Variants in IPPK observed in about 807,000 individuals in gnomAD.
The protein encoded by IPPK is IPK1 homolog.
A neutral mutation model predicts 64.6 loss-of-function variants in IPPK; 22 were observed. The observed-to-expected ratio is 0.34, with a 90% CI of 0.24 to 0.49. The LOEUF (loss-of-function observed/expected upper bound fraction) is 0.49, where lower values mean the gene tolerates loss of function less well. IPPK is among the 20% of genes least tolerant of loss of function. The probability of loss-of-function intolerance (pLI) is 0.99; values close to 1 mark genes in which losing one functional copy is unlikely to be tolerated. For missense variants in IPPK, 532 were observed against 630.7 expected, an observed-to-expected ratio of 0.84 and a Z score of 1.68; for synonymous variants, 262 against 247.2, an observed-to-expected ratio of 1.06 and a Z score of -0.56.
chr9:92,656,331 G>C (rs576905762), intron 3 of IPPK, 125 bp downstream of exon 3: 34 of 675,852 alleles, frequency 5.0e-5, no homozygotes, highest in South Asian at 4.1e-4. Flanking sequence ...CAGCAAATGA[G>C]AAACACTTGG....
intron 1 of IPPK, among the ~76,000 whole-genome samples, chr9:92,663,121 G>A (rs892442546): frequency 7.9e-5 from 12 of 152,314 alleles, no homozygotes; most frequent in Admixed American, 1.3e-4. Context: ...AAACAGATAC[G>A]TAGTGTTGTT....
chr9:92,658,481 A>G (rs1346820349), intron 2 of IPPK, among the ~76,000 whole-genome samples, 153 bp downstream of exon 2: 1 of 152,234 alleles, frequency 6.6e-6, no homozygotes, highest in Non-Finnish European at 1.5e-5. Flanking sequence ...AGTCAGTTTT[A>G]TATCAGGAAT....
chr9:92,626,554 AG>A (rs1394551954), intron 11 of IPPK, among the ~76,000 whole-genome samples: 2 of 152,234 alleles, frequency 1.3e-5, no homozygotes, highest in Non-Finnish European at 2.9e-5. Flanking sequence ...AAAATATGAA[AG>A]AGCAGTTAAG....
intron 1 of IPPK, among the ~76,000 whole-genome samples, chr9:92,664,994 G>A (rs1456040647): frequency 6.6e-6 from 1 of 152,180 alleles, no homozygotes; most frequent in Admixed American, 6.5e-5. Context: ...ACTGTCACAG[G>A]CTGCAGTCAC....
At position 92,614,042 on chromosome 9, in the gene IPPK, C is replaced by G. The variant is rs1015454310; in HGVS notation, c.*1790G>C. 4 of 152,328 alleles carry G rather than the reference C, an allele frequency of 2.6e-5. No homozygotes were observed. The highest frequency in any genetic ancestry group is 9.6e-5 in the African/African-American group (4 of 41,462). The allele number at this position is 152,328 out of a possible 1,614,324, so 9.4% of individuals were successfully genotyped here. Reference sequence around the variant, plus strand: ...CGGGCTGGTGGGAGCCAAGACCAGACAGAGTGGGGGTCTCCATCTGTTTTC... The same window carrying G: ...CGGGCTGGTGGGAGCCAAGACCAGAGAGAGTGGGGGTCTCCATCTGTTTTC... On this transcript the variant is annotated 3_prime_UTR_variant, in exon 13 of 13. Transcript: ENST00000287996.
chr9:92,658,794 A>T (rs1852424752), intron 1 of IPPK, 113 bp from the exon 2 acceptor site: 1 of 970,652 alleles, frequency 1.0e-6, no homozygotes, highest in South Asian at 1.4e-5. Context: ...GAAGCTCCAC[A>T]GCAAGGAGGC....
chr9:92,667,590 C>G (rs993650658), intron 1 of IPPK, among the ~76,000 whole-genome samples: 1 of 152,106 alleles, frequency 6.6e-6, no homozygotes, highest in African/African-American at 2.4e-5. Context: ...AACAACCAAG[C>G]AGGAATGAGC....
chr9:92,640,566 C>T (rs1852027249), intron 8 of IPPK, 144 bp downstream of exon 8: 1 of 687,124 alleles, frequency 1.5e-6, no homozygotes, highest in Non-Finnish European at 2.7e-6. Context: ...AAGGTGATGA[C>T]TGAACCAGTC....
intron 11 of IPPK, among the ~76,000 whole-genome samples, chr9:92,623,143 T>A (rs1213750685): frequency 6.6e-6 from 1 of 151,996 alleles, no homozygotes; most frequent in Non-Finnish European, 1.5e-5. Flanking sequence ...CCATTAAGAA[T>A]CAAAAGACGG....
Position 92,649,536 on chromosome 9 carries a change from A to G in IPPK, c.331T>C (p.Tyr111His). The G allele has an allele frequency of 6.2e-7, 1 of 1,614,168 alleles. No homozygotes were observed. Reference protein sequence around the residue: ...CDKDLDTLSGYAMCLPNLTRL... With the variant: ...CDKDLDTLSGHAMCLPNLTRL... ...GTTAAATTAGGAAGGCACATAGCGT[A>G]ACCACTGAGAGTATCCAGGTCCTTG... is the stretch of plus-strand genomic sequence containing the variant. Residue 111 changes from tyrosine (Y) to histidine (H), a missense_variant, in exon 5 of 13, where the codon TAC (tyrosine) becomes CAC (histidine). Transcript: ENST00000287996.
intron 11 of IPPK, among the ~76,000 whole-genome samples, chr9:92,621,653 T>C (rs1435475320): frequency 2.6e-5 from 4 of 151,790 alleles, no homozygotes; most frequent in Admixed American, 2.0e-4. Context: ...CAGGTAAGAC[T>C]ACAGGTATGC....
rs559395129 is a variant in IPPK, at chr9:92,642,449, G to C, written c.563+303C>G. 5.9e-5 allele frequency among the ~76,000 whole-genome samples: 9 copies of C among 152,384 alleles called. No homozygotes were observed. The East Asian group carries it at 1.3e-3, about 23-fold the overall frequency. On this transcript the variant is annotated intron_variant, in intron 7 of 12. Coordinates refer to ENST00000287996, the MANE Select transcript of IPPK (RefSeq NM_022755.6). ...CAACCAAACTATGAGGGCCCAGACG[G>C]ATGGAGGTCAAGGCTGAGCACCAGT... is the stretch of plus-strand genomic sequence containing the variant.
At position 92,669,863 on chromosome 9, in the gene IPPK, C is replaced by A. The variant is rs1301837568; in HGVS notation, c.81+45G>T. The A allele has an allele frequency of 6.3e-6, 9 of 1,429,228 alleles. No homozygotes were observed. The South Asian group carries it at 8.1e-5, about 13-fold the overall frequency. 88.5% of individuals were successfully genotyped at this position (1,429,228 alleles called of 1,614,324 possible). ...ATAATGGGGGCGGGGTGATACCGGC[C>A]GTCGGAGTGAGGTACCGGACCTGCG... On this transcript the variant is annotated intron_variant, in intron 1 of 12. Transcript: ENST00000287996.
chr9:92,663,120 C>T (rs868803569), intron 1 of IPPK, among the ~76,000 whole-genome samples: 1 of 152,318 alleles, frequency 6.6e-6, no homozygotes, highest in Non-Finnish European at 1.5e-5. Context: ...GAAACAGATA[C>T]GTAGTGTTGT....
At chr9:92,655,637 G>A (rs1245031868) in intron 3 of IPPK, among the ~76,000 whole-genome samples, 2 of 152,120 alleles carry the variant, frequency 1.3e-5, no homozygotes, top group Non-Finnish European at 1.5e-5. Context: ...CACCACACGA[G>A]TCCTCCTGCC....
chr9:92,622,323 G>A (rs1454161726), intron 11 of IPPK, among the ~76,000 whole-genome samples: 1 of 152,090 alleles, frequency 6.6e-6, no homozygotes, highest in Non-Finnish European at 1.5e-5. Flanking sequence ...AAATAAAGAA[G>A]TGAAAGGTAT....
At chr9:92,626,252 C>T (rs1011661794) in intron 11 of IPPK, among the ~76,000 whole-genome samples, 1 of 152,096 alleles carries the variant, frequency 6.6e-6, no homozygotes, top group African/African-American at 2.4e-5. Context: ...AAAAAATTAG[C>T]TGGGCGTGGT....
chr9:92,661,892 A>T (rs1177452701), intron 1 of IPPK, among the ~76,000 whole-genome samples: 2 of 152,230 alleles, frequency 1.3e-5, no homozygotes, highest in African/African-American at 4.8e-5. Context: ...TGCCAGGCTG[A>T]GGGCTTCGTA....
intron 1 of IPPK, among the ~76,000 whole-genome samples, chr9:92,659,434 G>A (rs1852436554): frequency 1.3e-5 from 2 of 152,110 alleles, no homozygotes; most frequent in Admixed American, 6.5e-5. Context: ...AAGGACATTC[G>A]GCACAAGTTT....
Sources: gnomAD v4.1 joint callset for allele counts (sites outside exome capture counted in the v4.1 genomes callset) on GRCh38, gnomAD v4.1.1 for gene constraint, MANE v1.5 for transcripts, NCBI Gene and HGNC (gene_info 2026-07-23, HGNC 2026-07-21) for gene names.